The following NCAM2 variants were observed in gnomAD, a reference collection of about 807,000 sequenced individuals.
NCAM2 encodes the protein neural cell adhesion molecule 2, also known as N-CAM-2.
A neutral mutation model predicts 98.1 loss-of-function variants in NCAM2; 30 were observed. The observed-to-expected ratio is 0.31, with a 90% CI of 0.23 to 0.41. The LOEUF (loss-of-function observed/expected upper bound fraction) is 0.41. Ranked by LOEUF, NCAM2 falls within the 10% of genes least tolerant of loss-of-function variation. The probability of loss-of-function intolerance (pLI) is 1.00; values close to 1 mark genes in which losing one functional copy is unlikely to be tolerated. For missense variants in NCAM2, 867 were observed against 1,005.8 expected, an observed-to-expected ratio of 0.86 and a Z score of 1.87; for synonymous variants, 368 against 342.4, an observed-to-expected ratio of 1.07 and a Z score of -0.83.
intron 1 of NCAM2, among the ~76,000 whole-genome samples, chr21:21,230,298 A>C (rs1309236874): frequency 6.6e-6 from 1 of 151,370 alleles, no homozygotes; most frequent in Non-Finnish European, 1.5e-5. Flanking sequence ...TTTTTTAAAA[A>C]TCATTGTCTC....
intron 1 of NCAM2, among the ~76,000 whole-genome samples, chr21:21,003,684 C>T (rs2064061056): frequency 6.6e-6 from 1 of 152,028 alleles, no homozygotes; most frequent in African/African-American, 2.4e-5. Flanking sequence ...AAAAAATCAT[C>T]ATAAGCTGCT....
At chr21:21,253,928 A>G (rs572147875) in intron 1 of NCAM2, among the ~76,000 whole-genome samples, 1 of 152,268 alleles carries the variant, frequency 6.6e-6, no homozygotes, top group East Asian at 1.9e-4. Context: ...AATATCCTTG[A>G]TTTTATCCGA....
intron 1 of NCAM2, among the ~76,000 whole-genome samples, chr21:21,079,053 G>C (rs534195426): frequency 6.6e-6 from 1 of 152,148 alleles, no homozygotes; most frequent in Non-Finnish European, 1.5e-5. Flanking sequence ...GGTAAGGGAA[G>C]GGAGAGCATC....
At chr21:21,231,034 T>G (rs542701538) in intron 1 of NCAM2, among the ~76,000 whole-genome samples, 11 of 151,444 alleles carry the variant, frequency 7.3e-5, no homozygotes, top group African/African-American at 2.7e-4. Flanking sequence ...TTTTGAAAAT[T>G]TAAAAATTTG....
chr21:21,473,001 TACAC>T (rs35267595), intron 14 of NCAM2, among the ~76,000 whole-genome samples: 164 of 149,526 alleles, frequency 1.1e-3, no homozygotes, highest in Non-Finnish European at 1.3e-3. Flanking sequence ...CACGCACACA[TACAC>T]ACACACACAC....
At chr21:21,355,532 G>A (rs2075452721) in intron 8 of NCAM2, among the ~76,000 whole-genome samples, 1 of 134,226 alleles carries the variant, frequency 7.5e-6, no homozygotes, top group Non-Finnish European at 1.7e-5. Flanking sequence ...GGAGGAGGGA[G>A]GGAGGGAGAG....
chr21:21,124,779 A>C (rs2066751948), intron 1 of NCAM2, among the ~76,000 whole-genome samples: 1 of 152,148 alleles, frequency 6.6e-6, no homozygotes, highest in Non-Finnish European at 1.5e-5. Flanking sequence ...ACTAAGAATA[A>C]AACTTGCTTC....
chr21:21,508,997 A>G lies in NCAM2; in HGVS notation c.2224A>G (p.Lys742Glu), dbSNP rs1473400065. 1.2e-6 allele frequency: 2 copies of G among 1,613,564 alleles called. No individual in the cohort carries two copies. Among genetic ancestry groups the G allele is most frequent in the South Asian group, 1.1e-5 (1 of 91,060 alleles). The change falls in exon 16 of 18, where the codon AAG (lysine) becomes GAG (glutamate). Residue 742 changes from lysine (K) to glutamate (E), a missense_variant. By Grantham distance (56) the Lys-to-Glu change is moderately conservative. This residue lies in a region of NCAM2 where 125 missense variants were observed against 116.1 expected (regional missense o/e 1.08). Transcript: ENST00000400546. ...LMCITRRMCG[K>E]KSGSSGKSKE... Reference sequence around the variant, plus strand: ...GTGCATCACTAGGAGAATGTGTGGAAAGAAAAGTGGCTCCAGTGGCAAAAG... The same window carrying G: ...GTGCATCACTAGGAGAATGTGTGGAGAGAAAAGTGGCTCCAGTGGCAAAAG...
chr21:21,538,619 T>C lies in NCAM2; in HGVS notation c.*662T>C, dbSNP rs972589723. On this transcript the variant is annotated 3_prime_UTR_variant, in exon 18 of 18. Transcript: ENST00000400546. ...CCCATTTGAAAGAATATTAGTTGTA[T>C]ATAAAATTAGATTAGAAAGACTTTC... The C allele has an allele frequency of 1.3e-5, 2 of 152,334 alleles. No homozygotes were observed. The highest frequency in any genetic ancestry group is 2.4e-5 in the African/African-American group (1 of 41,462). The allele number at this position is 152,334 out of a possible 1,614,324, so 9.4% of individuals were successfully genotyped here.
At chr21:21,492,867 T>G (rs903336218) in intron 15 of NCAM2, among the ~76,000 whole-genome samples, 2 of 151,924 alleles carry the variant, frequency 1.3e-5, no homozygotes, top group African/African-American at 4.8e-5. Flanking sequence ...AAAAATAAAT[T>G]ATCTTCAAAT....
chr21:21,179,775 C>T (rs187858115), intron 1 of NCAM2, among the ~76,000 whole-genome samples: 27 of 152,276 alleles, frequency 1.8e-4, no homozygotes, highest in Non-Finnish European at 3.5e-4. Context: ...GGATTGACTC[C>T]GGTGTAAACT....
At chr21:21,309,443 A>T (rs2073978522) in intron 5 of NCAM2, among the ~76,000 whole-genome samples, 1 of 152,122 alleles carries the variant, frequency 6.6e-6, no homozygotes, top group African/African-American at 2.4e-5. Context: ...ATGTTTCTGA[A>T]TTCTTTATCT....
intron 15 of NCAM2, among the ~76,000 whole-genome samples, chr21:21,501,381 G>A (rs2000786): frequency 0.83 from 126,625 of 151,870 alleles, 52,912 homozygotes; most frequent in Middle Eastern, 0.92. Flanking sequence ...CCTTGTTAAT[G>A]TAAATATCAT....
intron 1 of NCAM2, among the ~76,000 whole-genome samples, chr21:21,110,711 A>T (rs768693512): frequency 5.9e-5 from 9 of 151,804 alleles, no homozygotes; most frequent in Non-Finnish European, 1.0e-4. Context: ...TGGAGATTGC[A>T]TCTTTCTCTA....
chr21:21,320,407 G>A (rs1437306535), intron 5 of NCAM2, among the ~76,000 whole-genome samples: 1 of 151,430 alleles, frequency 6.6e-6, no homozygotes, highest in African/African-American at 2.4e-5. Flanking sequence ...TTTAAATTTT[G>A]TATGCATTTT....
chr21:21,357,838 GAT>G, intron 8 of NCAM2, among the ~76,000 whole-genome samples: 1 of 152,138 alleles, frequency 6.6e-6, no homozygotes, highest in African/African-American at 2.4e-5. Context: ...ATGTCAAAGA[GAT>G]AAGTTTAATA....
At position 21,031,828 on chromosome 21, in the gene NCAM2, A is replaced by T. The variant is rs10588199; in HGVS notation, c.55+33210A>T. ...CTCTTATACACACACACACACACACACTCACACACACGTGTGCTTGTGCAA... is the reference window on the plus strand; with the variant it reads ...CTCTTATACACACACACACACACACTCTCACACACACGTGTGCTTGTGCAA... On this transcript the variant is annotated intron_variant, in intron 1 of 17. Coordinates refer to ENST00000400546, the MANE Select transcript of NCAM2 (RefSeq NM_004540.5). 6.4e-4 allele frequency among the ~76,000 whole-genome samples: 91 copies of T among 141,168 alleles called. 1 individual carries two copies. The highest frequency in any genetic ancestry group is 1.2e-3 in the Non-Finnish European group (75 of 64,040). The allele number at this position is 141,168 out of a possible 152,430, so 92.6% of individuals were successfully genotyped here. A position where few individuals can be genotyped will look rare whatever the true frequency, so the allele number is the denominator to read the frequency against.
intron 1 of NCAM2, among the ~76,000 whole-genome samples, chr21:21,245,943 T>C (rs1451815790): frequency 6.6e-6 from 1 of 152,228 alleles, no homozygotes; most frequent in Non-Finnish European, 1.5e-5. Context: ...TTTTAAAATA[T>C]GTCCATAAAT....
At chr21:21,215,626 G>T (rs937820489) in intron 1 of NCAM2, among the ~76,000 whole-genome samples, 1 of 152,108 alleles carries the variant, frequency 6.6e-6, no homozygotes, top group South Asian at 2.1e-4. Flanking sequence ...TACTCGGTAG[G>T]TTGAGGTAGG....
Sources: gnomAD v4.1 joint callset for allele counts (sites outside exome capture counted in the v4.1 genomes callset) on GRCh38, gnomAD v4.1.1 for gene constraint, gnomAD v4.1.1 regional missense constraint, MANE v1.5 for transcripts, NCBI Gene and HGNC (gene_info 2026-07-23, HGNC 2026-07-21) for gene names.